Variants in DGKB observed in about 807,000 individuals in gnomAD.
DGKB encodes diacylglycerol kinase beta.
DGKB carries 67 observed loss-of-function variants against 114.3 expected under a neutral mutation model. That is an observed-to-expected ratio of 0.59 (90% CI 0.48 to 0.72). The LOEUF (loss-of-function observed/expected upper bound fraction) is 0.72. Ranked by LOEUF, DGKB falls within the 30% of genes least tolerant of loss-of-function variation. The probability of loss-of-function intolerance (pLI) is 0.00; values close to 1 mark genes in which losing one functional copy is unlikely to be tolerated. For synonymous variants in DGKB, 398 were observed against 323.1 expected (o/e 1.23, Z -2.49); for missense variants, 907 against 975.2 (o/e 0.93, Z 0.93).
At chr7:14,263,703 A>G (rs1048411184) in intron 23 of DGKB, among the ~76,000 whole-genome samples, 15 of 152,326 alleles carry the variant, frequency 9.8e-5, no homozygotes, top group African/African-American at 3.6e-4. Flanking sequence ...TTGTAGATTC[A>G]TAAAGTTAAA....
chr7:14,783,979 T>C (rs1334068153), intron 2 of DGKB, among the ~76,000 whole-genome samples: 1 of 152,210 alleles, frequency 6.6e-6, no homozygotes, highest in Non-Finnish European at 1.5e-5. Context: ...CTTGTTTTCC[T>C]GGTTTACAAA....
At chr7:14,210,879 A>C (rs754695138) in intron 23 of DGKB, among the ~76,000 whole-genome samples, 40 of 151,886 alleles carry the variant, frequency 2.6e-4, no homozygotes, top group Non-Finnish European at 5.2e-4. Flanking sequence ...AAGCAAACCC[A>C]TCTCTTCCTG....
intron 5 of DGKB, among the ~76,000 whole-genome samples, chr7:14,719,149 T>C (rs554673980): frequency 1.5e-4 from 23 of 152,226 alleles, no homozygotes; most frequent in Non-Finnish European, 1.8e-4. Context: ...TAAAGTCATA[T>C]ATTTGTTTCA....
chr7:14,197,047 C>T lies in DGKB; in HGVS notation c.2123-18896G>A, dbSNP rs557752939. Among the ~76,000 whole-genome samples the T allele has an allele frequency of 8.5e-5, 13 of 152,168 alleles. No homozygotes were observed. The South Asian group carries it at 2.7e-3, about 32-fold the overall frequency. ...AACACTTGAAACCCTAAGAGAGGTTCAAATGCAAACTTTCAGATTTTCAAC... is the reference window on the plus strand; with the variant it reads ...AACACTTGAAACCCTAAGAGAGGTTTAAATGCAAACTTTCAGATTTTCAAC... On this transcript the variant is annotated intron_variant, in intron 23 of 25. Coordinates refer to ENST00000402815, the MANE Select transcript of DGKB (RefSeq NM_001350709.2).
Position 14,172,583 on chromosome 7 carries a change from C to G in DGKB, c.2304+4256G>C, listed in dbSNP as rs189678802. ...CCAGGTGTTTCAATGGTTTCACTAT[C>G]TCAGTATGATAGAGGGAAGAATCGC... On this transcript the variant is annotated intron_variant, in intron 25 of 25. Transcript: ENST00000402815. Among the ~76,000 whole-genome samples, 38 of 152,050 alleles carry G rather than the reference C, an allele frequency of 2.5e-4. 1 individual carries two copies. The highest frequency in any genetic ancestry group is 8.8e-5 in the Non-Finnish European group (6 of 67,972).
At chr7:14,427,293 C>T (rs1827727954) in intron 21 of DGKB, among the ~76,000 whole-genome samples, 1 of 152,082 alleles carries the variant, frequency 6.6e-6, no homozygotes. Flanking sequence ...CTTCACTTCC[C>T]AACAAGTTCT....
chr7:14,315,756 T>G (rs200810125), intron 23 of DGKB, among the ~76,000 whole-genome samples: 1 of 150,754 alleles, frequency 6.6e-6, no homozygotes, highest in Admixed American at 6.6e-5. Context: ...TACCCAGGAA[T>G]TGAACTCAGC....
intron 1 of DGKB, among the ~76,000 whole-genome samples, chr7:14,933,521 T>C (rs1785134303): frequency 6.6e-6 from 1 of 152,204 alleles, no homozygotes; most frequent in Admixed American, 6.5e-5. Context: ...TTCTGCCTCT[T>C]TCTTCAAACA....
intron 1 of DGKB, among the ~76,000 whole-genome samples, chr7:14,912,525 G>C (rs565900796): frequency 9.2e-5 from 14 of 152,224 alleles, no homozygotes; most frequent in African/African-American, 3.4e-4. Context: ...CAAGCACCTG[G>C]AGGACCACGC....
chr7:14,889,745 A>G (rs1265063857), intron 1 of DGKB, among the ~76,000 whole-genome samples: 4 of 151,638 alleles, frequency 2.6e-5, no homozygotes, highest in Non-Finnish European at 5.9e-5. Flanking sequence ...AAATAAAGAC[A>G]TAAAATTCCA....
chr7:14,660,371 T>C lies in DGKB; in HGVS notation c.1134+12558A>G, dbSNP rs552735232. On this transcript the variant is annotated intron_variant, in intron 13 of 25. Transcript: ENST00000402815. The stretch of plus-strand genomic sequence containing the variant: ...GTGAATCCATCTGGTCCTGGACTCT[T>C]TTTGGTTGGTAAGCTATTGATTATT... Among the ~76,000 whole-genome samples the C allele has an allele frequency of 2.5e-3, 383 of 151,976 alleles. 3 individuals are homozygous for C. The highest frequency in any genetic ancestry group is 0.02 in the Middle Eastern group (6 of 294).
chr7:14,305,024 A>G (rs749540087), intron 23 of DGKB, among the ~76,000 whole-genome samples: 2 of 152,144 alleles, frequency 1.3e-5, no homozygotes, highest in African/African-American at 2.4e-5. Flanking sequence ...AGTTGTTCAC[A>G]TTTATGAGGT....
At chr7:14,334,963 A>G (rs1038054444) in intron 23 of DGKB, among the ~76,000 whole-genome samples, 1 of 152,220 alleles carries the variant, frequency 6.6e-6, no homozygotes, top group Non-Finnish European at 1.5e-5. Context: ...GAAAATGTCT[A>G]CTGCATTAGT....
At chr7:14,149,961 T>G (rs1233427430) in intron 25 of DGKB, among the ~76,000 whole-genome samples, 1 of 152,154 alleles carries the variant, frequency 6.6e-6, no homozygotes, top group Non-Finnish European at 1.5e-5. Context: ...TAAAGTAGAT[T>G]ACGTCTGCAA....
intron 1 of DGKB, among the ~76,000 whole-genome samples, chr7:14,930,722 C>T (rs1254577075): frequency 2.0e-5 from 3 of 152,064 alleles, no homozygotes; most frequent in African/African-American, 7.2e-5. Flanking sequence ...AATTGTTCTG[C>T]CTAGGACTTC....
intron 19 of DGKB, among the ~76,000 whole-genome samples, chr7:14,576,576 T>C (rs983848381): frequency 6.6e-6 from 1 of 152,110 alleles, no homozygotes; most frequent in African/African-American, 2.4e-5. Context: ...TGTATGTGTA[T>C]ACATATATAC....
chr7:14,853,867 CAAAAAAAAAAAA>C (rs56269565), intron 1 of DGKB, among the ~76,000 whole-genome samples: 5 of 104,016 alleles, frequency 4.8e-5, no homozygotes, highest in African/African-American at 1.8e-4. Flanking sequence ...GACTCCGTCT[CAAAAAAAAAAAA>C]AAAAAAAAAA....
intron 1 of DGKB, among the ~76,000 whole-genome samples, chr7:14,945,890 G>C (rs985107832): frequency 2.0e-5 from 3 of 151,438 alleles, no homozygotes; most frequent in African/African-American, 4.8e-5. Context: ...TAGTAGACAA[G>C]TCACAACGTT....
chr7:14,438,666 T>C (rs902120164), intron 21 of DGKB, among the ~76,000 whole-genome samples: 2 of 152,150 alleles, frequency 1.3e-5, no homozygotes, highest in Admixed American at 6.6e-5. Flanking sequence ...AACAGCATAG[T>C]TAGATGCAAT....
Sources: allele counts gnomAD v4.1 joint callset (sites outside exome capture counted in the v4.1 genomes callset), GRCh38; gene constraint gnomAD v4.1.1; transcripts MANE v1.5; gene names NCBI Gene and HGNC (gene_info 2026-07-23, HGNC 2026-07-21).